BBS9: variants seen among roughly 807,000 people sequenced by gnomAD.
BBS9 encodes the protein Bardet-Biedl syndrome 9, also known as protein PTHB1.
A neutral mutation model predicts 117.7 loss-of-function variants in BBS9; 89 were observed. That is an observed-to-expected ratio of 0.76 (90% CI 0.64 to 0.90). The LOEUF is 0.90. Ranked by LOEUF, BBS9 falls within the 40% of genes least tolerant of loss-of-function variation. BBS9 has a pLI of 0.00. For synonymous variants in BBS9, 379 were observed against 370.9 expected (o/e 1.02, Z -0.25); for missense variants, 982 against 1,042.2 (o/e 0.94, Z 0.80).
intron 19 of BBS9, among the ~76,000 whole-genome samples, chr7:33,466,640 A>C (rs967906602): frequency 6.6e-6 from 1 of 152,140 alleles, no homozygotes; most frequent in Non-Finnish European, 1.5e-5. Flanking sequence ...ACACCAATTA[A>C]TTACTGAGTG....
chr7:33,396,263 C>T (rs946889163), intron 19 of BBS9, among the ~76,000 whole-genome samples: 1 of 151,934 alleles, frequency 6.6e-6, no homozygotes, highest in Non-Finnish European at 1.5e-5. Flanking sequence ...AACCAGCTTT[C>T]TAGTTGGAAA....
chr7:33,476,006 A>G (rs1841753798), intron 19 of BBS9, among the ~76,000 whole-genome samples: 1 of 152,188 alleles, frequency 6.6e-6, no homozygotes, highest in Non-Finnish European at 1.5e-5. Context: ...GTCAATTGAT[A>G]AGTAAAATAT....
chr7:33,181,167 C>T (rs980111180), intron 5 of BBS9, among the ~76,000 whole-genome samples: 3 of 152,128 alleles, frequency 2.0e-5, no homozygotes, highest in South Asian at 2.1e-4. Flanking sequence ...CCAAGAGGGA[C>T]TTAGATCTCC....
chr7:33,514,350 G>A (rs190208145), intron 20 of BBS9, among the ~76,000 whole-genome samples: 2 of 152,270 alleles, frequency 1.3e-5, no homozygotes, highest in Admixed American at 6.5e-5. Flanking sequence ...CAGTACAGAA[G>A]GGGAACATGA....
intron 20 of BBS9, among the ~76,000 whole-genome samples, chr7:33,530,645 A>G (rs1215177166): frequency 1.3e-5 from 2 of 152,098 alleles, no homozygotes; most frequent in African/African-American, 4.8e-5. Context: ...ACTCAATTCT[A>G]GATATTAGTC....
At chr7:33,385,499 G>C (rs1825848336) in intron 18 of BBS9, among the ~76,000 whole-genome samples, 1 of 152,164 alleles carries the variant, frequency 6.6e-6, no homozygotes, top group Non-Finnish European at 1.5e-5. Context: ...ACCAGGGTTT[G>C]GCTCTGAGAT....
At chr7:33,382,859 T>A (rs370334029) in intron 17 of BBS9, among the ~76,000 whole-genome samples, 6 of 152,358 alleles carry the variant, frequency 3.9e-5, no homozygotes, top group African/African-American at 4.8e-5. Flanking sequence ...AACTATTAAT[T>A]CTAGCACTGG....
At chr7:33,238,101 G>A (rs1016322322) in intron 5 of BBS9, among the ~76,000 whole-genome samples, 2 of 152,130 alleles carry the variant, frequency 1.3e-5, no homozygotes, top group South Asian at 2.1e-4. Context: ...ATATAAATCC[G>A]CCAATATTTA....
intron 9 of BBS9, among the ~76,000 whole-genome samples, chr7:33,333,444 C>G (rs1814580179): frequency 6.6e-6 from 1 of 152,214 alleles, no homozygotes; most frequent in African/African-American, 2.4e-5. Flanking sequence ...TCTTTATCCA[C>G]TCATTGGTTG....
chr7:33,316,017 G>C (rs986570695), intron 9 of BBS9, among the ~76,000 whole-genome samples: 1 of 151,864 alleles, frequency 6.6e-6, no homozygotes, highest in African/African-American at 2.4e-5. Flanking sequence ...ATGCACTTTT[G>C]ACAAATGGTT....
At chr7:33,596,638 C>T (rs1300923061) in intron 21 of BBS9, among the ~76,000 whole-genome samples, 1 of 152,090 alleles carries the variant, frequency 6.6e-6, no homozygotes, top group African/African-American at 2.4e-5. Context: ...GATTCTTCCT[C>T]GCTATACCTC....
At chr7:33,625,505 A>G (rs555806920) in intron 21 of BBS9, among the ~76,000 whole-genome samples, 1 of 152,214 alleles carries the variant, frequency 6.6e-6, no homozygotes, top group Non-Finnish European at 1.5e-5. Flanking sequence ...TCTTCTATCT[A>G]CTATGACTAC....
chr7:33,349,405 G>A, intron 13 of BBS9: 1 of 532,576 alleles, frequency 1.9e-6, no homozygotes, highest in Non-Finnish European at 3.6e-6. Context: ...GTGCTTTTCT[G>A]AACTTGTTGG....
chr7:33,378,603 A>T (rs1488174254), intron 17 of BBS9, among the ~76,000 whole-genome samples: 1 of 152,184 alleles, frequency 6.6e-6, no homozygotes, highest in Admixed American at 6.5e-5. Context: ...GCTTAGACTT[A>T]TTCACATTTC....
At chr7:33,296,848 C>A (rs1358775825) in intron 9 of BBS9, among the ~76,000 whole-genome samples, 1 of 152,070 alleles carries the variant, frequency 6.6e-6, no homozygotes, top group Non-Finnish European at 1.5e-5. Flanking sequence ...AGATAGAATT[C>A]AATATTGTAT....
At chr7:33,321,042 A>T (rs1811604781) in intron 9 of BBS9, among the ~76,000 whole-genome samples, 1 of 151,994 alleles carries the variant, frequency 6.6e-6, no homozygotes. Flanking sequence ...CACTGTAAAT[A>T]CATTCATCTA....
chr7:33,460,257 T>C (rs1371425373), intron 19 of BBS9, among the ~76,000 whole-genome samples: 1 of 152,112 alleles, frequency 6.6e-6, no homozygotes, highest in African/African-American at 2.4e-5. Context: ...AATGTTCATA[T>C]CTCTGTAGAA....
intron 5 of BBS9, among the ~76,000 whole-genome samples, chr7:33,182,090 C>G (rs1379056469): frequency 1.8e-5 from 2 of 110,990 alleles, no homozygotes; most frequent in African/African-American, 5.4e-5. Context: ...CCGTCTCAAA[C>G]AAAACAAAAC....
At chr7:33,253,757 C>T (rs547776865) in intron 5 of BBS9, among the ~76,000 whole-genome samples, 1 of 152,294 alleles carries the variant, frequency 6.6e-6, no homozygotes, top group East Asian at 1.9e-4. Context: ...TACCATGATG[C>T]TACAAAGAGG....
Sources: gnomAD v4.1 joint callset for allele counts (sites outside exome capture counted in the v4.1 genomes callset) on GRCh38, gnomAD v4.1.1 for gene constraint, MANE v1.5 for transcripts, NCBI Gene and HGNC (gene_info 2026-07-23, HGNC 2026-07-21) for gene names.